Variants in KLHDC10 observed in about 807,000 individuals in gnomAD.
KLHDC10 encodes kelch domain-containing protein 10.
A neutral mutation model predicts 56.1 loss-of-function variants in KLHDC10; 24 were observed. The observed-to-expected ratio is 0.43, with a 90% CI of 0.31 to 0.60. The LOEUF is 0.60. KLHDC10 is among the 20% of genes least tolerant of loss of function. KLHDC10 has a pLI of 0.11. For synonymous variants in KLHDC10, 188 were observed against 207.1 expected, an observed-to-expected ratio of 0.91 and a Z score of 0.79; for missense variants, 349 against 567.0, an observed-to-expected ratio of 0.62 and a Z score of 3.91.
chr7:130,082,340 T>C (rs1169999630), intron 1 of KLHDC10, among the ~76,000 whole-genome samples: 2 of 152,034 alleles, frequency 1.3e-5, no homozygotes, highest in African/African-American at 4.8e-5. Context: ...ACCCCCAAAA[T>C]TGGAAAACGT....
In KLHDC10 at chr7:130,116,455, T is replaced by G. The variant is rs745777127; in HGVS notation, c.264T>G (p.Pro88=). ...IPNRFLRGHR[P]PPARSGHRCV... is the part of the protein sequence containing the mutation. Reference sequence around the variant, plus strand: ...CCTCTTCTCTCCTAGGCCACAGACCTCCACCAGCACGAAGTGGACATCGTT... The same window carrying G: ...CCTCTTCTCTCCTAGGCCACAGACCGCCACCAGCACGAAGTGGACATCGTT... The change falls in exon 3 of 10, where the codon CCT becomes CCG. Residue 88 remains proline, a synonymous_variant. Transcript: ENST00000335420. This position sits in a 1 kb window ranked among gnomAD's most constrained non-coding sequence, Gnocchi z 4.8. 61 of 1,613,362 alleles carry G rather than the reference T, an allele frequency of 3.8e-5. 1 individual carries two copies. The South Asian group carries it at 6.4e-4, about 17-fold the overall frequency.
intron 2 of KLHDC10, among the ~76,000 whole-genome samples, chr7:130,102,927 C>T (rs532806790): frequency 5.3e-4 from 81 of 152,164 alleles, no homozygotes; most frequent in African/African-American, 1.8e-3. Context: ...AATTAAAACT[C>T]AGTTGGAGGG....
intron 1 of KLHDC10, among the ~76,000 whole-genome samples, chr7:130,094,225 C>A (rs1222907664): frequency 6.6e-6 from 1 of 152,036 alleles, no homozygotes; most frequent in African/African-American, 2.4e-5. Flanking sequence ...CACGCCAGGC[C>A]CAGTTTGGTA....
chr7:130,081,221 G>A (rs1303964336), intron 1 of KLHDC10, among the ~76,000 whole-genome samples: 3 of 151,660 alleles, frequency 2.0e-5, no homozygotes, highest in South Asian at 2.1e-4. Context: ...GGATGGTCTC[G>A]ATCTCCTGAC....
intron 2 of KLHDC10, among the ~76,000 whole-genome samples, chr7:130,097,861 AC>A (rs750798670): frequency 2.6e-5 from 4 of 152,184 alleles, no homozygotes; most frequent in Non-Finnish European, 5.9e-5. Context: ...TTCTACTAAT[AC>A]ATACTCCATA....
intron 3 of KLHDC10, among the ~76,000 whole-genome samples, chr7:130,118,458 A>G (rs779146863): frequency 6.6e-6 from 1 of 152,212 alleles, no homozygotes; most frequent in Non-Finnish European, 1.5e-5. Context: ...GTTGTAGTTG[A>G]TCTTCTGTCC....
chr7:130,073,455 C>T (rs771748331), intron 1 of KLHDC10, among the ~76,000 whole-genome samples: 47 of 151,870 alleles, frequency 3.1e-4, no homozygotes, highest in Non-Finnish European at 5.9e-4. Context: ...CCACCACGTC[C>T]GGCTAATTTT....
chr7:130,102,100 G>T (rs1337181819), intron 2 of KLHDC10, among the ~76,000 whole-genome samples: 1 of 151,764 alleles, frequency 6.6e-6, no homozygotes, highest in Non-Finnish European at 1.5e-5. Context: ...GCTCTATCAA[G>T]GATCCATATG....
intron 1 of KLHDC10, 33 bp downstream of exon 1, chr7:130,070,842 G>T: frequency 7.7e-7 from 1 of 1,291,902 alleles, no homozygotes; most frequent in South Asian, 3.2e-5. Flanking sequence ...GACCGCTTGC[G>T]GGCGGGAAGG....
chr7:130,133,719 T>A lies in KLHDC10; in HGVS notation c.*2973T>A, dbSNP rs1455844737. The A allele has an allele frequency of 6.6e-6, 1 of 152,238 alleles. No homozygotes were observed. The highest frequency in any genetic ancestry group is 1.5e-5 in the Non-Finnish European group (1 of 68,046). The allele number at this position is 152,238 out of a possible 1,614,324, so 9.4% of individuals were successfully genotyped here. A position where few individuals can be genotyped will look rare whatever the true frequency, so the allele number is the denominator to read the frequency against. On this transcript the variant is annotated 3_prime_UTR_variant, in exon 10 of 10. Coordinates refer to ENST00000335420, the MANE Select transcript of KLHDC10 (RefSeq NM_014997.4). ...CAAGGAAGTCCATCTGTAAGGAGTT[T>A]CCTAAACGGAGAATTAAAACCTAGT...
chr7:130,084,647 C>T (rs1426439017), intron 1 of KLHDC10, among the ~76,000 whole-genome samples: 4 of 151,704 alleles, frequency 2.6e-5, no homozygotes, highest in Admixed American at 6.6e-5. Flanking sequence ...CGTGGTGGCG[C>T]GTGCCATTAG....
rs543771694 is a variant in KLHDC10, at chr7:130,118,657, A to C, written c.475+1991A>C. On this transcript the variant is annotated intron_variant, in intron 3 of 9. Coordinates refer to ENST00000335420, the MANE Select transcript of KLHDC10 (RefSeq NM_014997.4). ...TCCACATGCCTTCCTCACTAAGCTTAGTCAATTCTAGCTTTTGATTTAAAG... is the reference window on the plus strand; with the variant it reads ...TCCACATGCCTTCCTCACTAAGCTTCGTCAATTCTAGCTTTTGATTTAAAG... Among the ~76,000 whole-genome samples, 21 of 152,306 alleles carry C rather than the reference A, an allele frequency of 1.4e-4. No individual in the cohort carries two copies. In the South Asian group the frequency reaches 4.4e-3, roughly 32 times the overall value.
rs925286847 is a variant in KLHDC10 at position 130,133,251 on chromosome 7, C to T, written c.*2505C>T. ...ATTAGATAGGGGTCATCAGGCGTTT[C>T]GGTATACCTATAACCAGCACTCGGA... On this transcript the variant is annotated 3_prime_UTR_variant, in exon 10 of 10. Coordinates refer to ENST00000335420, the MANE Select transcript of KLHDC10 (RefSeq NM_014997.4). 9.2e-5 allele frequency: 14 copies of T among 152,146 alleles called. No individual in the cohort carries two copies. The highest frequency in any genetic ancestry group is 1.4e-4 in the African/African-American group (6 of 41,446). The allele number at this position is 152,146 out of a possible 1,614,324, so 9.4% of individuals were successfully genotyped here.
intron 3 of KLHDC10, among the ~76,000 whole-genome samples, chr7:130,117,849 CAAAAAAAAAAAAAA>C (rs60800057): frequency 3.8e-4 from 28 of 73,198 alleles, no homozygotes; most frequent in South Asian, 1.0e-3. Context: ...GACCCTGTCT[CAAAAAAAAAAAAAA>C]AAAAAAAAAA....
chr7:130,089,062 T>C (rs549091944), intron 1 of KLHDC10, among the ~76,000 whole-genome samples: 30 of 152,168 alleles, frequency 2.0e-4, no homozygotes, highest in Middle Eastern at 3.4e-3. Flanking sequence ...ACATATAAAG[T>C]ACAAATGCAG....
rs918733876 is a variant in KLHDC10 at position 130,132,851 on chromosome 7, G to A, written c.*2105G>A. Reference sequence around the variant, plus strand: ...GGATTTTTGACCTGGATTTATACAGGGACCAAAGACTGAATGCTCAGCCTC... The same window carrying A: ...GGATTTTTGACCTGGATTTATACAGAGACCAAAGACTGAATGCTCAGCCTC... On this transcript the variant is annotated 3_prime_UTR_variant, in exon 10 of 10. Coordinates refer to ENST00000335420, the MANE Select transcript of KLHDC10 (RefSeq NM_014997.4). The A allele has an allele frequency of 6.6e-6, 1 of 152,168 alleles. No individual in the cohort carries two copies. Among genetic ancestry groups the A allele is most frequent in the African/African-American group, 2.4e-5 (1 of 41,410 alleles). 9.4% of individuals were successfully genotyped at this position (152,168 alleles called of 1,614,324 possible). A position where few individuals can be genotyped will look rare whatever the true frequency, so the allele number is the denominator to read the frequency against.
Position 130,070,775 on chromosome 7 carries a change from C to A in KLHDC10, c.132C>A (p.Arg44=). The A allele has an allele frequency of 7.6e-7, 1 of 1,308,448 alleles. No homozygotes were observed. The highest frequency in any genetic ancestry group is 9.7e-7 in the Non-Finnish European group (1 of 1,026,346). 81.1% of individuals were successfully genotyped at this position (1,308,448 alleles called of 1,614,324 possible). A position where few individuals can be genotyped will look rare whatever the true frequency, so the allele number is the denominator to read the frequency against. Residue 44 remains arginine, a synonymous_variant, in exon 1 of 10, where the codon CGC becomes CGA. Coordinates refer to ENST00000335420, the MANE Select transcript of KLHDC10 (RefSeq NM_014997.4). ...GTCGGGGGACTGGCCAGCTCAACCG[C>A]TTCGTGCAACTCTCCGGGCGGCCGC... ...SGGRGTGQLN[R]FVQLSGRPHL...
At chr7:130,071,288 TG>T (rs1795406478) in intron 1 of KLHDC10, among the ~76,000 whole-genome samples, 1 of 151,454 alleles carries the variant, frequency 6.6e-6, no homozygotes, top group Non-Finnish European at 1.5e-5. Flanking sequence ...AAGAAAGGGG[TG>T]GGGGAGTGTT....
chr7:130,114,261 T>C (rs1489858227), intron 2 of KLHDC10, among the ~76,000 whole-genome samples: 1 of 152,218 alleles, frequency 6.6e-6, no homozygotes, highest in Admixed American at 6.5e-5. Context: ...TAGAAAAAAT[T>C]AAATGCCAAA....
Sources: allele counts gnomAD v4.1 joint callset (sites outside exome capture counted in the v4.1 genomes callset), GRCh38; gene constraint gnomAD v4.1.1; non-coding constraint Gnocchi (gnomAD v3.1); transcripts MANE v1.5; gene names NCBI Gene and HGNC (gene_info 2026-07-23, HGNC 2026-07-21).